Variants in PDE4D observed in about 807,000 individuals in gnomAD.
PDE4D encodes 3',5'-cyclic-AMP phosphodiesterase 4D.
PDE4D carries 24 observed loss-of-function variants against 87.4 expected under a neutral mutation model. The observed-to-expected ratio is 0.27, with a 90% confidence interval of 0.20 to 0.39. The LOEUF is 0.39. Ranked by LOEUF, PDE4D falls within the 10% of genes least tolerant of loss-of-function variation. PDE4D has a pLI of 1.00. For missense variants in PDE4D, 714 were observed against 1,041.0 expected, an observed-to-expected ratio of 0.69 and a Z score of 4.32; for synonymous variants, 384 against 383.2, an observed-to-expected ratio of 1.00 and a Z score of -0.02.
intron 1 of PDE4D, among the ~76,000 whole-genome samples, chr5:59,222,028 T>C (rs541761913): frequency 2.0e-5 from 3 of 152,304 alleles, no homozygotes; most frequent in South Asian, 2.1e-4. Flanking sequence ...AGAATGTGTG[T>C]GGCTAGCACT....
intron 6 of PDE4D, among the ~76,000 whole-genome samples, chr5:58,994,407 G>A (rs891787432): frequency 1.3e-5 from 2 of 151,960 alleles, no homozygotes; most frequent in African/African-American, 4.8e-5. Flanking sequence ...AAAACAACCC[G>A]ACGAGGCCTT....
At chr5:59,566,039 G>A (rs1489784601) in intron 1 of PDE4D, among the ~76,000 whole-genome samples, 5 of 152,132 alleles carry the variant, frequency 3.3e-5, no homozygotes, top group Non-Finnish European at 7.3e-5. Flanking sequence ...GCATATGAGT[G>A]GGTGGGTTAA....
intron 3 of PDE4D, among the ~76,000 whole-genome samples, chr5:59,952,063 G>A (rs999215981): frequency 6.6e-6 from 1 of 152,110 alleles, no homozygotes; most frequent in Non-Finnish European, 1.5e-5. Flanking sequence ...GATCATGGGG[G>A]CAGTTTCCCC....
intron 2 of PDE4D, among the ~76,000 whole-genome samples, chr5:60,036,411 G>A (rs1314152535): frequency 6.6e-6 from 1 of 152,168 alleles, no homozygotes; most frequent in Admixed American, 6.5e-5. Context: ...AAAAAAGGGT[G>A]TGAGCTCATC....
At chr5:60,064,559 G>A (rs752167907) in intron 2 of PDE4D, among the ~76,000 whole-genome samples, 4 of 152,070 alleles carry the variant, frequency 2.6e-5, no homozygotes, top group Non-Finnish European at 5.9e-5. Flanking sequence ...CTTATAAAAT[G>A]TAATATTTTC....
intron 1 of PDE4D, among the ~76,000 whole-genome samples, chr5:59,270,295 A>G (rs560634921): frequency 6.6e-6 from 1 of 152,308 alleles, no homozygotes; most frequent in East Asian, 1.9e-4. Context: ...GGCAGAAAAT[A>G]TGAGAATTCC....
At chr5:60,142,981 T>C (rs1780672130) in intron 2 of PDE4D, among the ~76,000 whole-genome samples, 2 of 152,252 alleles carry the variant, frequency 1.3e-5, no homozygotes, top group South Asian at 4.1e-4. Flanking sequence ...TTTTAAATTT[T>C]AACTACTTTT....
intron 1 of PDE4D, among the ~76,000 whole-genome samples, chr5:60,481,057 T>C (rs1748692422): frequency 1.3e-5 from 2 of 152,298 alleles, no homozygotes; most frequent in East Asian, 1.9e-4. Context: ...TTCTATTTTT[T>C]AGGTCAGGAT....
chr5:59,573,540 CCTCT>C (rs1822243019), intron 1 of PDE4D, among the ~76,000 whole-genome samples: 2 of 152,090 alleles, frequency 1.3e-5, no homozygotes. Flanking sequence ...CTCATCCTGT[CCTCT>C]CTCCTAATTT....
intron 1 of PDE4D, among the ~76,000 whole-genome samples, chr5:59,743,746 G>A (rs1482330598): frequency 6.6e-6 from 1 of 152,112 alleles, no homozygotes; most frequent in African/African-American, 2.4e-5. Flanking sequence ...GACTCATATT[G>A]TACAAGCCCA....
intron 1 of PDE4D, among the ~76,000 whole-genome samples, chr5:59,767,033 C>T (rs1285679162): frequency 6.6e-6 from 1 of 150,902 alleles, no homozygotes; most frequent in Non-Finnish European, 1.5e-5. Context: ...CTTTTATTTC[C>T]TTTGTCATTG....
intron 1 of PDE4D, among the ~76,000 whole-genome samples, chr5:59,638,638 G>A (rs1741005758): frequency 6.6e-6 from 1 of 151,844 alleles, no homozygotes; most frequent in Admixed American, 6.6e-5. Context: ...AATCCTTATA[G>A]TATCACTTTT....
At position 60,395,606 on chromosome 5, in the gene PDE4D, T is replaced by C. The variant is rs139835056; in HGVS notation, c.-90+92336A>G. Among the ~76,000 whole-genome samples the C allele has an allele frequency of 3.3e-4, 50 of 152,218 alleles. 1 individual carries two copies. Among genetic ancestry groups the C allele is most frequent in the African/African-American group, 1.1e-3 (44 of 41,516 alleles). On this transcript the variant is annotated intron_variant, in intron 1 of 16. Coordinates refer to the PDE4D transcript ENST00000502484. ...AAGAACTAGAAGTAAATGTAATAAG[T>C]AGTGAGGCAGAAAGGATGAGGGAAA...
In PDE4D at chr5:60,391,882, T is replaced by A. The variant is rs187967535; in HGVS notation, c.-90+96060A>T. 2.7e-3 allele frequency among the ~76,000 whole-genome samples: 417 copies of A among 152,320 alleles called. 6 individuals are homozygous for A. The highest frequency in any genetic ancestry group is 9.7e-3 in the African/African-American group (404 of 41,562). On this transcript the variant is annotated intron_variant, in intron 1 of 16. Transcript: ENST00000502484. ...TCTCTCATCAATTTGATAGCTGTGA[T>A]GTTCCATGTTTAGCCCTTACCTTTA...
chr5:59,587,402 C>CTGA (rs1825325989), intron 1 of PDE4D: 3 of 970,472 alleles, frequency 3.1e-6, no homozygotes, highest in Non-Finnish European at 3.7e-6. Flanking sequence ...GTCATTTATT[C>CTGA]TGATGCTCTG....
At chr5:59,028,456 G>C (rs752945563) in intron 6 of PDE4D, among the ~76,000 whole-genome samples, 1 of 149,632 alleles carries the variant, frequency 6.7e-6, no homozygotes, top group African/African-American at 2.5e-5. Context: ...GGAAATGAAT[G>C]AGTTCTACTG....
intron 1 of PDE4D, among the ~76,000 whole-genome samples, chr5:60,193,270 T>C (rs1015903497): frequency 1.2e-4 from 18 of 152,210 alleles, no homozygotes; most frequent in Admixed American, 3.9e-4. Flanking sequence ...AATAAACAAC[T>C]GAATCAGCAA....
At chr5:59,686,201 T>C (rs1397832460) in intron 1 of PDE4D, among the ~76,000 whole-genome samples, 1 of 152,148 alleles carries the variant, frequency 6.6e-6, no homozygotes, top group Non-Finnish European at 1.5e-5. Flanking sequence ...AGAACTATGA[T>C]TTAATAACAG....
intron 1 of PDE4D, chr5:59,797,082 C>G (rs1345658661): frequency 6.7e-6 from 1 of 148,154 alleles, no homozygotes; most frequent in Non-Finnish European, 1.5e-5. Context: ...ATCAAATTGT[C>G]AGATCAAACC....
Sources: allele counts gnomAD v4.1 joint callset (sites outside exome capture counted in the v4.1 genomes callset), GRCh38; gene constraint gnomAD v4.1.1; transcripts MANE v1.5; gene names NCBI Gene and HGNC (gene_info 2026-07-23, HGNC 2026-07-21).